Variants in MTPAP observed in about 807,000 individuals in gnomAD.
MTPAP encodes the protein mitochondrial poly(A) polymerase, also known as poly(A) RNA polymerase, mitochondrial.
Under a neutral mutation model 48.7 loss-of-function variants are expected in MTPAP, and 23 were observed. The observed-to-expected ratio is 0.47, with a 90% CI of 0.34 to 0.67. The LOEUF (loss-of-function observed/expected upper bound fraction) is 0.67. Ranked by LOEUF, MTPAP falls within the 30% of genes least tolerant of loss-of-function variation. The pLI is 0.01. For missense variants in MTPAP, 614 were observed against 694.3 expected (o/e 0.88, Z 1.30); for synonymous variants, 257 against 254.1 (o/e 1.01, Z -0.11).
chr10:30,322,968 A>AAATAC (rs1209276963), intron 5 of MTPAP, among the ~76,000 whole-genome samples: 2 of 151,382 alleles, frequency 1.3e-5, no homozygotes, highest in South Asian at 2.1e-4. Flanking sequence ...TCTCTACTAA[A>AAATAC]AATACAATAA....
intron 3 of MTPAP, 64 bp from the exon 4 acceptor site, chr10:30,337,091 T>A (rs1262826315): frequency 1.4e-6 from 2 of 1,381,952 alleles, no homozygotes; most frequent in East Asian, 2.3e-5. Context: ...AAAGTTACCA[T>A]TTTACTTTCA....
chr10:30,341,331 T>C (rs528266316), intron 2 of MTPAP, 137 bp downstream of exon 2: 1 of 1,116,566 alleles, frequency 9.0e-7, no homozygotes, highest in Non-Finnish European at 1.2e-6. Flanking sequence ...ATTAAAGAAA[T>C]CTAGATAAAG....
intron 4 of MTPAP, among the ~76,000 whole-genome samples, chr10:30,336,535 CTT>C (rs1834732423): frequency 1.3e-5 from 2 of 152,160 alleles, no homozygotes; most frequent in East Asian, 3.9e-4. Flanking sequence ...CAATAGGTAA[CTT>C]TGACTTAACT....
intron 1 of MTPAP, among the ~76,000 whole-genome samples, chr10:30,345,233 T>A (rs1406144106): frequency 2.0e-5 from 3 of 152,228 alleles, no homozygotes; most frequent in African/African-American, 7.2e-5. Context: ...TGGGGACATT[T>A]TCCCGTATCA....
At chr10:30,329,434 A>T (rs1834639033) in intron 4 of MTPAP, among the ~76,000 whole-genome samples, 1 of 151,844 alleles carries the variant, frequency 6.6e-6, no homozygotes, top group Admixed American at 6.6e-5. Context: ...CCCCCAGCCT[A>T]TGTTGCCCAG....
intron 1 of MTPAP, among the ~76,000 whole-genome samples, chr10:30,346,318 T>A (rs1361564616): frequency 1.3e-5 from 2 of 152,212 alleles, no homozygotes; most frequent in Admixed American, 1.3e-4. Flanking sequence ...TCAGGCCACA[T>A]ATGGAGTACA....
intron 6 of MTPAP, among the ~76,000 whole-genome samples, chr10:30,318,882 TACA>T (rs1379609234): frequency 6.6e-6 from 1 of 152,114 alleles, no homozygotes; most frequent in African/African-American, 2.4e-5. Context: ...ATAAAAGAAC[TACA>T]ACAATCTAAC....
intron 4 of MTPAP, among the ~76,000 whole-genome samples, chr10:30,333,281 G>A (rs1834692561): frequency 1.3e-5 from 2 of 152,090 alleles, no homozygotes; most frequent in Non-Finnish European, 1.5e-5. Context: ...CTTACTCTGT[G>A]CCATAAGCAC....
At chr10:30,330,632 A>G (rs1365824263) in intron 4 of MTPAP, among the ~76,000 whole-genome samples, 1 of 152,224 alleles carries the variant, frequency 6.6e-6, no homozygotes, top group Non-Finnish European at 1.5e-5. Flanking sequence ...AACCATGAGC[A>G]GGAGTGTGGT....
At chr10:30,343,655 C>T (rs1834838200) in intron 1 of MTPAP, among the ~76,000 whole-genome samples, 1 of 152,070 alleles carries the variant, frequency 6.6e-6, no homozygotes, top group Non-Finnish European at 1.5e-5. Context: ...GCAATCTCCG[C>T]CTCCCAGGTT....
At chr10:30,330,567 C>CA (rs1270032505) in intron 4 of MTPAP, among the ~76,000 whole-genome samples, 1 of 152,076 alleles carries the variant, frequency 6.6e-6, no homozygotes, top group African/African-American at 2.4e-5. Flanking sequence ...GTGAAAATGA[C>CA]AAGAAAAAAT....
intron 3 of MTPAP, among the ~76,000 whole-genome samples, chr10:30,337,540 G>A (rs11007999): frequency 6.6e-6 from 1 of 152,116 alleles, no homozygotes; most frequent in Non-Finnish European, 1.5e-5. Context: ...TTTGAGATCA[G>A]CCTAAGCAAC....
At chr10:30,323,642 T>A (rs1357451391) in intron 5 of MTPAP, among the ~76,000 whole-genome samples, 2 of 152,004 alleles carry the variant, frequency 1.3e-5, no homozygotes, top group Admixed American at 1.3e-4. Context: ...CCCAAGTAGC[T>A]GGGACTACAG....
intron 1 of MTPAP, among the ~76,000 whole-genome samples, chr10:30,346,901 C>A (rs1301113220): frequency 1.3e-5 from 2 of 152,112 alleles, no homozygotes; most frequent in African/African-American, 4.8e-5. Context: ...GTGACCATCA[C>A]CCCCATCATC....
At chr10:30,348,803 A>G (rs1834900151) in intron 1 of MTPAP, 2 of 390,778 alleles carry the variant, frequency 5.1e-6, no homozygotes, top group African/African-American at 2.0e-5. Flanking sequence ...CATTACTATC[A>G]TTGGGAACAC....
At chr10:30,326,326 C>G in intron 5 of MTPAP, 98 bp downstream of exon 5, 1 of 1,096,000 alleles carries the variant, frequency 9.1e-7, no homozygotes, top group Non-Finnish European at 1.3e-6. Context: ...ATTATTCAAG[C>G]ATGTTTAAGA....
intron 4 of MTPAP, among the ~76,000 whole-genome samples, chr10:30,331,373 C>A (rs574010122): frequency 6.6e-6 from 1 of 152,282 alleles, no homozygotes; most frequent in African/African-American, 2.4e-5. Context: ...CTAATTCTTA[C>A]TTTTATTACC....
chr10:30,328,108 G>T (rs983591169), intron 4 of MTPAP, among the ~76,000 whole-genome samples: 1 of 152,076 alleles, frequency 6.6e-6, no homozygotes, highest in East Asian at 1.9e-4. Context: ...GGTAATTTAC[G>T]ACAGTTTTAG....
chr10:30,316,884 CA>C (rs1294094224), intron 6 of MTPAP, among the ~76,000 whole-genome samples: 1 of 120,568 alleles, frequency 8.3e-6, no homozygotes, highest in East Asian at 2.4e-4. Flanking sequence ...GACTCCATCT[CA>C]AAAAACAAAA....
Sources: gnomAD v4.1 joint callset for allele counts (sites outside exome capture counted in the v4.1 genomes callset) on GRCh38, gnomAD v4.1.1 for gene constraint, MANE v1.5 for transcripts, NCBI Gene and HGNC (gene_info 2026-07-23, HGNC 2026-07-21) for gene names.